The following PHOSPHO2 variants were observed in gnomAD, a reference collection of about 807,000 sequenced individuals.
PHOSPHO2 encodes the protein pyridoxal phosphate phosphatase PHOSPHO2.
In PHOSPHO2, 14 loss-of-function variants were observed where a neutral mutation model predicts 16.4. The ratio of observed to expected loss-of-function variants is 0.85; its 90% CI spans 0.56 to 1.33. PHOSPHO2 has a LOEUF of 1.33. Among genes scored for constraint, PHOSPHO2 ranks in the 40% most tolerant of loss-of-function variants. The pLI is 0.00. For missense variants in PHOSPHO2, 246 were observed against 282.5 expected, an observed-to-expected ratio of 0.87 and a Z score of 0.93; for synonymous variants, 85 against 90.5, an observed-to-expected ratio of 0.94 and a Z score of 0.34.
chr2:169,701,089 C>T lies in PHOSPHO2; in HGVS notation c.118C>T (p.Arg40Ter), dbSNP rs750165487. 26 of 1,613,776 alleles carry T rather than the reference C, an allele frequency of 1.6e-5. 1 individual carries two copies. The highest frequency in any genetic ancestry group is 2.2e-5 in the East Asian group (1 of 44,858). The change falls in exon 4 of 4, where the codon CGA becomes TGA. Residue 40 changes from arginine to a stop codon, truncating the protein, a stop_gained. Coordinates refer to ENST00000359744, the MANE Select transcript of PHOSPHO2 (RefSeq NM_001008489.4). LOFTEE classifies it high-confidence loss of function. ...TCCTATTGAACTACGTGATTCTTAT[C>T]GAAAAGGATTTTGGACAGAATTTAT... ...KLPIELRDSY[R>*]KGFWTEFMGR...
At position 169,701,648 on chromosome 2, in the gene PHOSPHO2, C is replaced by G; in HGVS notation, c.677C>G (p.Ser226Cys). The G allele has an allele frequency of 6.3e-7, 1 of 1,579,388 alleles. No individual in the cohort carries two copies. The highest frequency in any genetic ancestry group is 2.2e-5 in the East Asian group (1 of 44,728). The change falls in exon 4 of 4, where the codon TCC becomes TGC. Residue 226 changes from serine (S) to cysteine (C), a missense_variant. Coordinates refer to ENST00000359744, the MANE Select transcript of PHOSPHO2 (RefSeq NM_001008489.4). ...ATGGAATATTCTGTTGTAGTTTGGT[C>G]CTCAGGTGTTGATATAATTTCTCAT... Reference protein sequence around the residue: ...EPMEYSVVVWSSGVDIISHLQ... With the variant: ...EPMEYSVVVWCSGVDIISHLQ...
At position 169,697,488 on chromosome 2, in the gene PHOSPHO2, A is replaced by T. The variant is rs943939364; in HGVS notation, c.-70A>T. On this transcript the variant is annotated 5_prime_UTR_variant, in exon 3 of 4. An upstream open reading frame in the 5' UTR loses its in-frame stop. Transcript: ENST00000359744. ...GAAGATTGTCATGATTGTTTATCCT[A>T]ATCCCAATGCTGAAGTAAGATTGTC... The T allele has an allele frequency of 7.2e-5, 11 of 152,214 alleles. No individual in the cohort carries two copies. Among genetic ancestry groups the T allele is most frequent in the African/African-American group, 2.7e-4 (11 of 41,452 alleles). The allele number at this position is 152,214 out of a possible 1,614,324, so 9.4% of individuals were successfully genotyped here. A position where few individuals can be genotyped will look rare whatever the true frequency, so the allele number is the denominator to read the frequency against.
chr2:169,697,696 T>C (rs557225360), intron 3 of PHOSPHO2, among the ~76,000 whole-genome samples, 165 bp downstream of exon 3: 1 of 152,358 alleles, frequency 6.6e-6, no homozygotes, highest in African/African-American at 2.4e-5. Context: ...TTGTGGCTAA[T>C]TAAGTTTAGG....
At chr2:169,700,899 A>G in intron 3 of PHOSPHO2, 47 bp from the exon 4 acceptor site, 3 of 1,445,524 alleles carry the variant, frequency 2.1e-6, no homozygotes, top group East Asian at 2.3e-5. Flanking sequence ...TTTTAGCTAG[A>G]TATGTAAACA....
intron 3 of PHOSPHO2, among the ~76,000 whole-genome samples, chr2:169,699,996 G>A (rs1384732132): frequency 6.6e-6 from 1 of 152,160 alleles, no homozygotes; most frequent in Non-Finnish European, 1.5e-5. Context: ...AGCTAAAGGT[G>A]TAAGAGAAGA....
rs149327414 is a variant in PHOSPHO2, at chr2:169,701,332, G to A, written c.361G>A (p.Val121Met). The A allele has an allele frequency of 1.7e-5, 28 of 1,612,934 alleles. No individual in the cohort carries two copies. Among genetic ancestry groups the A allele is most frequent in the Non-Finnish European group, 2.4e-5 (28 of 1,179,692 alleles). Residue 121 changes from valine to methionine, a missense_variant, in exon 4 of 4, where the codon GTG (valine) becomes ATG (methionine). By Grantham distance (21) the Val-to-Met change is conservative. Coordinates refer to ENST00000359744, the MANE Select transcript of PHOSPHO2 (RefSeq NM_001008489.4). ...CAGTTTTCATGACATATTTGATAAA[G>A]TGTTTACAAATCCAGCAGCTTTTAA... ...AASFHDIFDK[V>M]FTNPAAFNSN...
chr2:169,700,110 A>C (rs546891114), intron 3 of PHOSPHO2, among the ~76,000 whole-genome samples: 1 of 152,214 alleles, frequency 6.6e-6, no homozygotes, highest in Non-Finnish European at 1.5e-5. Context: ...CAGATGGATA[A>C]ATTGCAAAAA....
chr2:169,697,926 A>C (rs1414053386), intron 3 of PHOSPHO2: 1 of 152,212 alleles, frequency 6.6e-6, no homozygotes, highest in African/African-American at 2.4e-5. Context: ...TTAGGCATTT[A>C]GTGATACAAG....
chr2:169,696,290 T>G (rs551450120), intron 2 of PHOSPHO2, among the ~76,000 whole-genome samples: 251 of 152,330 alleles, frequency 1.6e-3, no homozygotes, highest in Non-Finnish European at 2.8e-3. Flanking sequence ...AAACAGAGTT[T>G]AAATTATTCT....
chr2:169,694,840 C>G (rs545089464), intron 1 of PHOSPHO2: 7 of 181,314 alleles, frequency 3.9e-5, no homozygotes, highest in Non-Finnish European at 6.0e-5. Flanking sequence ...TATAAAAACC[C>G]GCGGATTCGC....
At chr2:169,700,021 C>T (rs750507067) in intron 3 of PHOSPHO2, among the ~76,000 whole-genome samples, 13 of 152,118 alleles carry the variant, frequency 8.5e-5, no homozygotes, top group Non-Finnish European at 1.9e-4. Flanking sequence ...ATGAAAAGAG[C>T]AGTGACATCG....
At chr2:169,698,568 T>C (rs1482445321) in intron 3 of PHOSPHO2, among the ~76,000 whole-genome samples, 1 of 152,248 alleles carries the variant, frequency 6.6e-6, no homozygotes, top group African/African-American at 2.4e-5. Flanking sequence ...GCCTGACATA[T>C]AATGACTCTC....
intron 3 of PHOSPHO2, chr2:169,697,784 TATTTA>T (rs757944278): frequency 3.9e-5 from 6 of 152,134 alleles, no homozygotes; most frequent in Non-Finnish European, 8.8e-5. Context: ...TCAAAAAGCA[TATTTA>T]ATTTAAAATG....
chr2:169,701,604 G>A lies in PHOSPHO2; in HGVS notation c.633G>A (p.Met211Ile). ...GYTLQKTLSR[M>I]SQNLEPMEYS... The stretch of plus-strand genomic sequence containing the variant: ...CCTTACAGAAAACTCTTTCCAGAAT[G>A]TCTCAAAATCTTGAGCCTATGGAAT... The change falls in exon 4 of 4, where the codon ATG (methionine) becomes ATA (isoleucine). Residue 211 changes from methionine to isoleucine, a missense_variant. Coordinates refer to ENST00000359744, the MANE Select transcript of PHOSPHO2 (RefSeq NM_001008489.4). The A allele has an allele frequency of 6.2e-7, 1 of 1,608,092 alleles. No homozygotes were observed. The highest frequency in any genetic ancestry group is 8.5e-7 in the Non-Finnish European group (1 of 1,179,576).
At chr2:169,699,217 C>T (rs375928125) in intron 3 of PHOSPHO2, among the ~76,000 whole-genome samples, 313 of 150,966 alleles carry the variant, frequency 2.1e-3, no homozygotes, top group African/African-American at 7.3e-3. Flanking sequence ...TATTCCCTTC[C>T]ACGTGTTCTC....
Position 169,701,244 on chromosome 2 carries a change from A to G in PHOSPHO2, c.273A>G (p.Lys91=), listed in dbSNP as rs1245715970. The change falls in exon 4 of 4, where the codon AAA becomes AAG. Residue 91 remains lysine (K), a synonymous_variant. Transcript: ENST00000359744. The part of the protein sequence containing the change: ...LFNFIRKNKD[K]FDCIIISDSN... ...ACTTTATAAGAAAGAATAAGGATAAATTTGACTGCATTATTATTTCAGATT... is the reference window on the plus strand; with the variant it reads ...ACTTTATAAGAAAGAATAAGGATAAGTTTGACTGCATTATTATTTCAGATT... 2 of 1,613,882 alleles carry G rather than the reference A, an allele frequency of 1.2e-6. No homozygotes were observed. Among genetic ancestry groups the G allele is most frequent in the Non-Finnish European group, 1.7e-6 (2 of 1,179,982 alleles).
chr2:169,701,142 T>C lies in PHOSPHO2; in HGVS notation c.171T>C (p.Asp57=). ...GCAGAGTCTTTAAGTATTTGGGAGA[T>C]AAGGGTGTAAGAGAACATGAAATGA... ...FMGRVFKYLG[D]KGVREHEMKR... is the part of the protein sequence containing the mutation. Residue 57 remains aspartate (D), a synonymous_variant, in exon 4 of 4, where the codon GAT becomes GAC. Coordinates refer to ENST00000359744, the MANE Select transcript of PHOSPHO2 (RefSeq NM_001008489.4). 1 of 1,614,056 alleles carries C rather than the reference T, an allele frequency of 6.2e-7. No individual in the cohort carries two copies. Among genetic ancestry groups the C allele is most frequent in the Non-Finnish European group, 8.5e-7 (1 of 1,179,970 alleles).
At chr2:169,696,034 C>G (rs974490059) in intron 2 of PHOSPHO2, among the ~76,000 whole-genome samples, 20 of 152,174 alleles carry the variant, frequency 1.3e-4, no homozygotes, top group African/African-American at 4.6e-4. Flanking sequence ...GGAAAATTGT[C>G]TCCCAACAAC....
intron 3 of PHOSPHO2, 36 bp from the exon 4 acceptor site, chr2:169,700,910 G>T (rs1687730074): frequency 2.0e-6 from 3 of 1,485,788 alleles, no homozygotes; most frequent in Non-Finnish European, 1.8e-6. Context: ...TATGTAAACA[G>T]AGTTTGTTTA....
Sources: gnomAD v4.1 joint callset for allele counts (sites outside exome capture counted in the v4.1 genomes callset) on GRCh38, gnomAD v4.1.1 for gene constraint, MANE v1.5 for transcripts, NCBI Gene and HGNC (gene_info 2026-07-23, HGNC 2026-07-21) for gene names.